The following PPP2R2D variants were observed in gnomAD, a reference collection of about 807,000 sequenced individuals.
PPP2R2D encodes the protein protein phosphatase 2 regulatory subunit Bdelta.
Under a neutral mutation model 31.1 loss-of-function variants are expected in PPP2R2D, and 9 were observed. The observed-to-expected ratio is 0.29, with a 90% CI of 0.17 to 0.51. PPP2R2D has a LOEUF of 0.51. Among genes scored for constraint, PPP2R2D ranks in the 20% least tolerant of loss-of-function variants. The pLI is 0.98. For missense variants in PPP2R2D, 391 were observed against 465.6 expected (o/e 0.84, Z 1.48); for synonymous variants, 179 against 172.6 (o/e 1.04, Z -0.29).
intron 8 of PPP2R2D, among the ~76,000 whole-genome samples, chr10:131,948,766 G>A (rs2036588532): frequency 6.6e-6 from 1 of 152,056 alleles, no homozygotes; most frequent in Non-Finnish European, 1.5e-5. Context: ...CTTGCTCATG[G>A]TGGCTTTTCC....
At chr10:131,955,593 G>A in intron 8 of PPP2R2D, 91 bp from the exon 9 acceptor site, 4 of 1,162,636 alleles carry the variant, frequency 3.4e-6, no homozygotes, top group East Asian at 2.9e-5. Context: ...GGGGAGGGTG[G>A]CGTGCGCTGT....
At chr10:131,946,964 C>G (rs974188604) in intron 7 of PPP2R2D, among the ~76,000 whole-genome samples, 37 of 152,258 alleles carry the variant, frequency 2.4e-4, no homozygotes, top group South Asian at 8.3e-4. Context: ...TGGTTAAAAT[C>G]AGGACCACAG....
In PPP2R2D at chr10:131,947,934, T is replaced by G. The variant is rs1197191613; in HGVS notation, c.1082+143T>G. ...TTTTCCAGACCTTTTGATTGATGGA[T>G]GATAGTATCAAGGTAGAGAAAATAG... On this transcript the variant is annotated intron_variant, in intron 8 of 8. Coordinates refer to ENST00000455566, the MANE Select transcript of PPP2R2D (RefSeq NM_018461.5). This position sits in a 1 kb window ranked among gnomAD's most constrained non-coding sequence, Gnocchi z 4.3. 4 of 1,009,238 alleles carry G rather than the reference T, an allele frequency of 4.0e-6. No homozygotes were observed. The African/African-American group carries it at 6.4e-5, about 16-fold the overall frequency. The allele number at this position is 1,009,238 out of a possible 1,614,324, so 62.5% of individuals were successfully genotyped here. A position where few individuals can be genotyped will look rare whatever the true frequency, so the allele number is the denominator to read the frequency against.
chr10:131,937,604 G>A (rs1186874220), intron 3 of PPP2R2D, among the ~76,000 whole-genome samples: 2 of 152,208 alleles, frequency 1.3e-5, no homozygotes, highest in Admixed American at 1.3e-4. Context: ...GTTCATGGCA[G>A]AGAGACAAGC....
At chr10:131,930,455 G>A (rs972401734) in intron 2 of PPP2R2D, among the ~76,000 whole-genome samples, 3 of 152,232 alleles carry the variant, frequency 2.0e-5, no homozygotes, top group African/African-American at 7.2e-5. Context: ...TCTCGCAGCA[G>A]TTTCCTGAGA....
chr10:131,907,006 T>C (rs1184856327), intron 2 of PPP2R2D, among the ~76,000 whole-genome samples: 1 of 151,810 alleles, frequency 6.6e-6, no homozygotes, highest in Non-Finnish European at 1.5e-5. Flanking sequence ...AGGTGTGTCT[T>C]TTATATATAA....
downstream of PPP2R2D, among the ~76,000 whole-genome samples, chr10:131,961,465 C>T (rs781999904): frequency 9.2e-5 from 14 of 152,288 alleles, no homozygotes; most frequent in Non-Finnish European, 1.8e-4. Flanking sequence ...CAGGGCTTTC[C>T]CTACAGCCAC....
intron 2 of PPP2R2D, chr10:131,912,570 T>C: frequency 6.6e-6 from 1 of 152,448 alleles, no homozygotes; most frequent in Non-Finnish European, 1.5e-5. Flanking sequence ...CTCGAGCTCA[T>C]TTGACCCCCG....
intron 2 of PPP2R2D, among the ~76,000 whole-genome samples, chr10:131,917,812 G>GCGTT (rs1554893465): frequency 1.7e-5 from 2 of 116,672 alleles, no homozygotes; most frequent in Non-Finnish European, 3.6e-5. Flanking sequence ...GAATGACACA[G>GCGTT]TGTAGGGACC....
At chr10:131,902,161 C>G (rs1168802025) in intron 2 of PPP2R2D, among the ~76,000 whole-genome samples, 2 of 152,222 alleles carry the variant, frequency 1.3e-5, no homozygotes, top group African/African-American at 4.8e-5. Context: ...AGAACTTGGT[C>G]GAGTCTTAGA....
chr10:131,947,875 T>C lies in PPP2R2D; in HGVS notation c.1082+84T>C, dbSNP rs1003137222. 7.8e-6 allele frequency: 12 copies of C among 1,540,778 alleles called. No individual in the cohort carries two copies. In the Middle Eastern group the frequency reaches 5.2e-4, roughly 66 times the overall value. ...GGTCAGTGAGGGAGGCGAGCTGTCCTCCAGCGTCAGAGGAGGACGCTCATA... is the reference window on the plus strand; with the variant it reads ...GGTCAGTGAGGGAGGCGAGCTGTCCCCCAGCGTCAGAGGAGGACGCTCATA... On this transcript the variant is annotated intron_variant, in intron 8 of 8. Coordinates refer to ENST00000455566, the MANE Select transcript of PPP2R2D (RefSeq NM_018461.5). The surrounding 1 kb of genome is among the most constrained non-coding windows in gnomAD (Gnocchi z 4.3).
rs1164554004 is a variant in PPP2R2D at position 131,910,000 on chromosome 10, GCTT to G, written c.100+8673_100+8675del. ...AGGTGACGGCTGGATTCTCAGACCT[GCTT>G]CTGCATTCCGTGTGTTCCAGTTGCT... On this transcript the variant is annotated intron_variant, in intron 2 of 8. Transcript: ENST00000455566. 2.2e-3 allele frequency among the ~76,000 whole-genome samples: 339 copies of G among 152,310 alleles called. 3 individuals are homozygous for G. The highest frequency in any genetic ancestry group is 5.7e-3 in the Admixed American group (87 of 15,290).
chr10:131,956,220 T>C lies in PPP2R2D; in HGVS notation c.*257T>C. On this transcript the variant is annotated 3_prime_UTR_variant, in exon 9 of 9. Coordinates refer to ENST00000455566, the MANE Select transcript of PPP2R2D (RefSeq NM_018461.5). ...GACACTGCTCCCAAAAGGTCATTAC[T>C]CAGAATAAATGTATTTATTTCAGTC... The C allele has an allele frequency of 2.5e-6, 3 of 1,183,268 alleles. No individual in the cohort carries two copies. The South Asian group carries it at 1.3e-4, about 51-fold the overall frequency. The allele number at this position is 1,183,268 out of a possible 1,614,324, so 73.3% of individuals were successfully genotyped here. A position where few individuals can be genotyped will look rare whatever the true frequency, so the allele number is the denominator to read the frequency against.
the PPP2R2D span, chr10:131,969,887 G>A: frequency 6.6e-6 from 1 of 152,404 alleles, no homozygotes. Flanking sequence ...CAGGGTGAGT[G>A]AGTATAAGCA....
chr10:131,938,092 G>A (rs1299875507), intron 3 of PPP2R2D, among the ~76,000 whole-genome samples: 1 of 151,302 alleles, frequency 6.6e-6, no homozygotes, highest in Non-Finnish European at 1.5e-5. Flanking sequence ...AGCGACGCGG[G>A]GCAGGCGAGG....
rs782456531 is a variant in PPP2R2D, at chr10:131,956,154, G to A, written c.*191G>A. 4.8e-5 allele frequency: 60 copies of A among 1,241,720 alleles called. No individual in the cohort carries two copies. The highest frequency in any genetic ancestry group is 1.1e-4 in the South Asian group (3 of 26,202). 76.9% of individuals were successfully genotyped at this position (1,241,720 alleles called of 1,614,324 possible). ...CGCCTCGGCGAGGCGCGAGACAGGCGCTGCTGCTCACGTGGAGACGCTCTC... is the reference window on the plus strand; with the variant it reads ...CGCCTCGGCGAGGCGCGAGACAGGCACTGCTGCTCACGTGGAGACGCTCTC... On this transcript the variant is annotated 3_prime_UTR_variant, in exon 9 of 9. Coordinates refer to ENST00000455566, the MANE Select transcript of PPP2R2D (RefSeq NM_018461.5).
chr10:131,926,777 A>G (rs1481459429), intron 2 of PPP2R2D, among the ~76,000 whole-genome samples: 1 of 152,238 alleles, frequency 6.6e-6, no homozygotes, highest in Non-Finnish European at 1.5e-5. Flanking sequence ...CAGTATGCAC[A>G]CAGCTCTGCC....
chr10:131,920,019 TC>T (rs2035941541), intron 2 of PPP2R2D, among the ~76,000 whole-genome samples: 2 of 88,720 alleles, frequency 2.3e-5, no homozygotes, highest in Non-Finnish European at 4.6e-5. Flanking sequence ...GGGACCTCAG[TC>T]GGGTGGGATG....
the PPP2R2D span, chr10:131,971,160 G>A: frequency 1.7e-6 from 1 of 596,820 alleles, no homozygotes; most frequent in Admixed American, 2.9e-5. Flanking sequence ...CGCACTCCCG[G>A]CTCACAGCAC....
Sources: gnomAD v4.1 joint callset for allele counts (sites outside exome capture counted in the v4.1 genomes callset) on GRCh38, gnomAD v4.1.1 for gene constraint, Gnocchi (gnomAD v3.1) non-coding constraint, MANE v1.5 for transcripts, NCBI Gene and HGNC (gene_info 2026-07-23, HGNC 2026-07-21) for gene names.